KAT6B: variants seen among roughly 807,000 people sequenced by gnomAD.
KAT6B encodes lysine acetyltransferase 6B.
In KAT6B, 10 loss-of-function variants were observed where a neutral mutation model predicts 187.5. The observed-to-expected ratio is 0.05, with a 90% confidence interval of 0.03 to 0.09. The LOEUF (loss-of-function observed/expected upper bound fraction) is 0.09. Among genes scored for constraint, KAT6B ranks in the 10% least tolerant of loss-of-function variants. The probability of loss-of-function intolerance (pLI) is 1.00; values close to 1 mark genes in which losing one functional copy is unlikely to be tolerated. For missense variants in KAT6B, 1,952 were observed against 2,558.9 expected (o/e 0.76, Z 5.12); for synonymous variants, 861 against 926.8 (o/e 0.93, Z 1.29).
intron 3 of KAT6B, among the ~76,000 whole-genome samples, chr10:74,845,075 C>T (rs765889519): frequency 6.6e-6 from 1 of 151,944 alleles, no homozygotes; most frequent in Admixed American, 6.6e-5. Flanking sequence ...AAGAATTAGC[C>T]AGGCTTGGTG....
chr10:75,021,350 A>G, intron 15 of KAT6B, 65 bp downstream of exon 15: 1 of 1,542,942 alleles, frequency 6.5e-7, no homozygotes, highest in South Asian at 1.1e-5. Context: ...TAAGCTAAGA[A>G]AGTCATTAAG....
chr10:74,827,606 G>A (rs1840365474), intron 1 of KAT6B, among the ~76,000 whole-genome samples: 1 of 152,022 alleles, frequency 6.6e-6, no homozygotes, highest in African/African-American at 2.4e-5. Flanking sequence ...AAATATGAAG[G>A]AAGGGGAGAG....
chr10:74,958,537 G>A (rs553309560), intron 3 of KAT6B, among the ~76,000 whole-genome samples: 13 of 152,254 alleles, frequency 8.5e-5, no homozygotes, highest in Middle Eastern at 3.4e-3. Context: ...TACAGTTTTC[G>A]TAGTTTTGGC....
chr10:74,888,001 C>T (rs1422325655), intron 3 of KAT6B, among the ~76,000 whole-genome samples: 1 of 152,190 alleles, frequency 6.6e-6, no homozygotes, highest in African/African-American at 2.4e-5. Context: ...AAAAAGAGAA[C>T]TGGCTGGTCC....
chr10:74,835,702 T>C (rs1402390184), intron 1 of KAT6B, among the ~76,000 whole-genome samples: 1 of 152,260 alleles, frequency 6.6e-6, no homozygotes, highest in Non-Finnish European at 1.5e-5. Flanking sequence ...AGAGTTGTTT[T>C]AAAGTTTACT....
At chr10:74,977,592 A>G (rs17641765) in intron 9 of KAT6B, among the ~76,000 whole-genome samples, 155 bp downstream of exon 9, 1,673 of 152,342 alleles carry the variant, frequency 0.011, 15 homozygotes, top group Middle Eastern at 0.024. Flanking sequence ...CTGTACATTC[A>G]AAAGCAATGA....
chr10:74,985,243 TA>T lies in KAT6B; in HGVS notation c.2535+6del. The T allele has an allele frequency of 1.2e-6, 2 of 1,614,020 alleles. No individual in the cohort carries two copies. The highest frequency in any genetic ancestry group is 1.7e-6 in the Non-Finnish European group (2 of 1,179,918). Reference sequence around the variant, plus strand: ...CATCTGGTTGGATACTTCTCTAAGGTAAAACAAGAGCCAGCATGACCTTCAT... The same window carrying T: ...CATCTGGTTGGATACTTCTCTAAGGTAAACAAGAGCCAGCATGACCTTCAT... On this transcript the variant is annotated splice_donor_region_variant and intron_variant, in intron 12 of 17. Transcript: ENST00000287239.
chr10:75,012,918 G>A (rs1005915311), intron 13 of KAT6B, among the ~76,000 whole-genome samples: 7 of 152,162 alleles, frequency 4.6e-5, no homozygotes, highest in Non-Finnish European at 1.0e-4. Flanking sequence ...TTGAAAGGAT[G>A]GGGACATTCA....
intron 3 of KAT6B, among the ~76,000 whole-genome samples, chr10:74,949,927 A>G (rs1019310039): frequency 6.6e-6 from 1 of 152,238 alleles, no homozygotes; most frequent in Non-Finnish European, 1.5e-5. Flanking sequence ...ACAAGGAGGT[A>G]AAAATACAGC....
chr10:74,828,625 T>G (rs1840470162), intron 1 of KAT6B, among the ~76,000 whole-genome samples: 1 of 146,684 alleles, frequency 6.8e-6, no homozygotes, highest in Non-Finnish European at 1.5e-5. Flanking sequence ...TGGAGTGCAG[T>G]GGCGCCATCT....
intron 3 of KAT6B, among the ~76,000 whole-genome samples, chr10:74,940,404 T>C (rs1240948210): frequency 6.7e-6 from 1 of 150,268 alleles, no homozygotes; most frequent in African/African-American, 2.5e-5. Context: ...GCCTCCTGAG[T>C]AGCTGGGACT....
chr10:74,998,136 TAG>T, intron 13 of KAT6B, among the ~76,000 whole-genome samples: 1 of 151,840 alleles, frequency 6.6e-6, no homozygotes, highest in East Asian at 1.9e-4. Context: ...AAACAAAAAA[TAG>T]AGACAGGGTC....
chr10:74,925,744 G>T (rs1372917965), intron 3 of KAT6B, among the ~76,000 whole-genome samples: 2 of 152,154 alleles, frequency 1.3e-5, no homozygotes, highest in African/African-American at 4.8e-5. Context: ...TTATAACAGT[G>T]TTATCACTAT....
chr10:74,917,957 A>C (rs1564563075), intron 3 of KAT6B, among the ~76,000 whole-genome samples: 1 of 152,206 alleles, frequency 6.6e-6, no homozygotes, highest in South Asian at 2.1e-4. Context: ...ACCTTTTTTC[A>C]TTACTTTTTA....
At chr10:74,988,394 T>C (rs1383931171) in intron 12 of KAT6B, among the ~76,000 whole-genome samples, 1 of 152,252 alleles carries the variant, frequency 6.6e-6, no homozygotes, top group African/African-American at 2.4e-5. Context: ...GTCTAACCTT[T>C]GTTTGGAGGC....
At chr10:74,876,813 T>G (rs1488892715) in intron 3 of KAT6B, among the ~76,000 whole-genome samples, 4 of 151,812 alleles carry the variant, frequency 2.6e-5, no homozygotes, top group Non-Finnish European at 5.9e-5. Flanking sequence ...CTCGGGAGGC[T>G]GAGGCAGGAG....
intron 1 of KAT6B, among the ~76,000 whole-genome samples, chr10:74,833,293 T>C (rs951353436): frequency 6.6e-6 from 1 of 152,094 alleles, no homozygotes; most frequent in Non-Finnish European, 1.5e-5. Flanking sequence ...CTAAATTTAG[T>C]TGATTATTTC....
At chr10:74,911,046 C>T (rs1176142075) in intron 3 of KAT6B, among the ~76,000 whole-genome samples, 2 of 152,050 alleles carry the variant, frequency 1.3e-5, no homozygotes, top group East Asian at 3.9e-4. Flanking sequence ...CTCTAAAATC[C>T]TCAAAGTAAC....
intron 3 of KAT6B, among the ~76,000 whole-genome samples, chr10:74,870,750 G>C (rs1843871985): frequency 6.6e-6 from 1 of 151,276 alleles, no homozygotes; most frequent in African/African-American, 2.4e-5. Context: ...AGCTAATTTT[G>C]TATTTTTAGT....
Sources: gnomAD v4.1 joint callset for allele counts (sites outside exome capture counted in the v4.1 genomes callset) on GRCh38, gnomAD v4.1.1 for gene constraint, MANE v1.5 for transcripts, NCBI Gene and HGNC (gene_info 2026-07-23, HGNC 2026-07-21) for gene names.